LTN1: variants seen among roughly 807,000 people sequenced by gnomAD.
LTN1 encodes the protein listerin E3 ubiquitin protein ligase 1.
In LTN1, 88 loss-of-function variants were observed where a neutral mutation model predicts 201.2. The ratio of observed to expected loss-of-function variants is 0.44; its 90% CI spans 0.37 to 0.52. The LOEUF (loss-of-function observed/expected upper bound fraction) is 0.52, where lower values mean the gene tolerates loss of function less well. Among genes scored for constraint, LTN1 ranks in the 20% least tolerant of loss-of-function variants. The pLI is 0.00. For missense variants in LTN1, 1,752 were observed against 2,038.7 expected, an observed-to-expected ratio of 0.86 and a Z score of 2.71; for synonymous variants, 645 against 713.5, an observed-to-expected ratio of 0.90 and a Z score of 1.53.
At chr21:28,931,536 T>C (rs973130576) in intron 28 of LTN1, among the ~76,000 whole-genome samples, 1 of 152,236 alleles carries the variant, frequency 6.6e-6, no homozygotes, top group Non-Finnish European at 1.5e-5. Context: ...AGACATACTT[T>C]AAAGGCTTCT....
chr21:28,984,335 A>T (rs1471008155), intron 4 of LTN1, among the ~76,000 whole-genome samples: 1 of 151,478 alleles, frequency 6.6e-6, no homozygotes, highest in Non-Finnish European at 1.5e-5. Context: ...ACTAAGTTAG[A>T]TCTGTATATA....
intron 9 of LTN1, 43 bp downstream of exon 9, chr21:28,969,423 A>G: frequency 6.5e-7 from 1 of 1,538,894 alleles, no homozygotes. Context: ...GATCCTACAT[A>G]ATCAGTATGC....
intron 11 of LTN1, among the ~76,000 whole-genome samples, chr21:28,962,701 CA>C (rs2084489246): frequency 6.6e-6 from 1 of 152,148 alleles, no homozygotes; most frequent in Non-Finnish European, 1.5e-5. Context: ...CTCTCTAAAA[CA>C]AAAGCTGGAA....
chr21:28,937,432 T>C (rs1021813398), intron 25 of LTN1, among the ~76,000 whole-genome samples: 3 of 152,192 alleles, frequency 2.0e-5, no homozygotes, highest in Non-Finnish European at 4.4e-5. Context: ...AGTAGATATT[T>C]ATGGGGCATA....
intron 26 of LTN1, 103 bp from the exon 27 acceptor site, chr21:28,935,432 A>G (rs995092529): frequency 2.7e-6 from 2 of 733,642 alleles, no homozygotes; most frequent in African/African-American, 3.5e-5. Flanking sequence ...ATTTCTCAAC[A>G]ATAGTGCTAT....
At chr21:28,973,387 A>C (rs1256452439) in intron 6 of LTN1, among the ~76,000 whole-genome samples, 3 of 151,622 alleles carry the variant, frequency 2.0e-5, no homozygotes, top group African/African-American at 4.8e-5. Context: ...GCAAAATAAA[A>C]ACACCTTCTG....
At chr21:28,964,995 G>A (rs984918456) in intron 11 of LTN1, among the ~76,000 whole-genome samples, 6 of 152,054 alleles carry the variant, frequency 3.9e-5, no homozygotes, top group Admixed American at 2.6e-4. Flanking sequence ...AAAACTATGG[G>A]GAAAATGGGG....
At chr21:28,979,882 G>A (rs1055710051) in intron 6 of LTN1, among the ~76,000 whole-genome samples, 3 of 152,160 alleles carry the variant, frequency 2.0e-5, no homozygotes, top group African/African-American at 7.2e-5. Context: ...TGAGGCAGGA[G>A]AATCACTCAA....
At chr21:28,970,401 A>C in intron 8 of LTN1, 151 bp downstream of exon 8, 1 of 631,276 alleles carries the variant, frequency 1.6e-6, no homozygotes, top group Non-Finnish European at 2.7e-6. Flanking sequence ...GAACGTACTC[A>C]AGAAAAAAAT....
At chr21:28,990,576 A>G (rs2084736935) in intron 1 of LTN1, among the ~76,000 whole-genome samples, 1 of 152,222 alleles carries the variant, frequency 6.6e-6, no homozygotes, top group Non-Finnish European at 1.5e-5. Context: ...TTATTGGCCA[A>G]TGGAAAAATA....
At chr21:28,939,385 T>C (rs2084280196) in intron 25 of LTN1, among the ~76,000 whole-genome samples, 1 of 152,234 alleles carries the variant, frequency 6.6e-6, no homozygotes, top group South Asian at 2.1e-4. Flanking sequence ...GTAAATTTTA[T>C]GGTATGTGCA....
chr21:28,969,420 C>A, intron 9 of LTN1, 46 bp downstream of exon 9: 2 of 1,531,738 alleles, frequency 1.3e-6, no homozygotes, highest in Non-Finnish European at 8.8e-7. Context: ...CTTGATCCTA[C>A]ATAATCAGTA....
In LTN1 at chr21:28,941,283, A is replaced by G. The variant is rs780777601; in HGVS notation, c.4419T>C (p.Tyr1473=). 4.3e-6 allele frequency: 7 copies of G among 1,613,494 alleles called. No individual in the cohort carries two copies. The highest frequency in any genetic ancestry group is 1.1e-5 in the South Asian group (1 of 90,978). ...TCCAAGTGAGAAGGTATCCCAGAAC[A>G]TAACAGAAGTCTTCACTCAGTGGTT... ...TIKPLSEDFC[Y]VLGYLLTWKL... Residue 1473 remains tyrosine (Y), a synonymous_variant, in exon 25 of 30, where the codon TAT becomes TAC. Coordinates refer to ENST00000361371, the MANE Select transcript of LTN1 (RefSeq NM_015565.3).
At chr21:28,989,636 TC>T (rs1438647829) in intron 1 of LTN1, among the ~76,000 whole-genome samples, 1 of 152,186 alleles carries the variant, frequency 6.6e-6, no homozygotes, top group Non-Finnish European at 1.5e-5. Flanking sequence ...TGCCACTCTT[TC>T]CTTCCCTTGC....
chr21:28,986,985 A>G lies in LTN1; in HGVS notation c.43-51T>C, dbSNP rs1161586324. ...AGTCAGAGTCCAGGAAGGGTTCAAA[A>G]CTTAACTTTATAATTCCTTGGCTAT... is the stretch of plus-strand genomic sequence containing the variant. On this transcript the variant is annotated intron_variant, in intron 1 of 29. Coordinates refer to ENST00000361371, the MANE Select transcript of LTN1 (RefSeq NM_015565.3). The surrounding 1 kb of genome is among the most constrained non-coding windows in gnomAD (Gnocchi z 4.1). 2 of 1,236,914 alleles carry G rather than the reference A, an allele frequency of 1.6e-6. No individual in the cohort carries two copies. Among genetic ancestry groups the G allele is most frequent in the South Asian group, 2.4e-5 (2 of 81,666 alleles). 76.6% of individuals were successfully genotyped at this position (1,236,914 alleles called of 1,614,324 possible). A position where few individuals can be genotyped will look rare whatever the true frequency, so the allele number is the denominator to read the frequency against.
chr21:28,969,977 C>T (rs775387027), intron 8 of LTN1, among the ~76,000 whole-genome samples: 3 of 151,512 alleles, frequency 2.0e-5, no homozygotes, highest in African/African-American at 4.9e-5. Context: ...CACGCCTAGC[C>T]GAGATATTAA....
At chr21:28,939,143 C>A (rs1412046962) in intron 25 of LTN1, among the ~76,000 whole-genome samples, 1 of 152,082 alleles carries the variant, frequency 6.6e-6, no homozygotes, top group Non-Finnish European at 1.5e-5. Context: ...TACAGTATAG[C>A]AACTATTTCA....
At chr21:28,948,491 G>A (rs1487981645) in intron 18 of LTN1, among the ~76,000 whole-genome samples, 5 of 151,114 alleles carry the variant, frequency 3.3e-5, no homozygotes, top group African/African-American at 4.9e-5. Context: ...CAGGCTGGTC[G>A]CGAACTCCTG....
intron 18 of LTN1, 92 bp from the exon 19 acceptor site, chr21:28,947,698 G>T: frequency 1.4e-6 from 1 of 704,658 alleles, no homozygotes; most frequent in Non-Finnish European, 2.2e-6. Context: ...GAAAAAGATA[G>T]ATGAATAATT....
Sources: gnomAD v4.1 joint callset for allele counts (sites outside exome capture counted in the v4.1 genomes callset) on GRCh38, gnomAD v4.1.1 for gene constraint, Gnocchi (gnomAD v3.1) non-coding constraint, MANE v1.5 for transcripts, NCBI Gene and HGNC (gene_info 2026-07-23, HGNC 2026-07-21) for gene names.